Variants in WDFY4 observed in about 807,000 individuals in gnomAD.
WDFY4 encodes the protein WDFY family member 4.
WDFY4 carries 169 observed loss-of-function variants against 351.9 expected under a neutral mutation model. The ratio of observed to expected loss-of-function variants is 0.48; its 90% CI spans 0.42 to 0.55. The LOEUF is 0.55. Among genes scored for constraint, WDFY4 ranks in the 20% least tolerant of loss-of-function variants. The pLI, the probability that WDFY4 is intolerant of heterozygous loss-of-function variation, is 0.00. For synonymous variants in WDFY4, 1,622 were observed against 1,574.6 expected, an observed-to-expected ratio of 1.03 and a Z score of -0.71; for missense variants, 3,803 against 3,935.6, an observed-to-expected ratio of 0.97 and a Z score of 0.90.
intron 43 of WDFY4, among the ~76,000 whole-genome samples, chr10:48,880,934 G>A (rs1012101097): frequency 1.3e-5 from 2 of 152,140 alleles, no homozygotes; most frequent in Admixed American, 1.3e-4. Context: ...GCTACAGGCA[G>A]GGGTGGGGTA....
chr10:48,788,700 A>G, intron 21 of WDFY4, 25 bp downstream of exon 21: 1 of 1,550,244 alleles, frequency 6.5e-7, no homozygotes, highest in Non-Finnish European at 8.7e-7. Context: ...TTCGCTGCTA[A>G]TCTCTGTTGG....
chr10:48,947,230 G>T (rs1450577639), intron 51 of WDFY4, among the ~76,000 whole-genome samples: 1 of 151,820 alleles, frequency 6.6e-6, no homozygotes, highest in Non-Finnish European at 1.5e-5. Flanking sequence ...AATGAGACAT[G>T]AAAAAAATGA....
chr10:48,979,008 A>G (rs1047600455), intron 60 of WDFY4: 1 of 152,320 alleles, frequency 6.6e-6, no homozygotes, highest in African/African-American at 2.4e-5. Context: ...TGATTCATTT[A>G]GTCACCCATT....
At chr10:48,783,516 A>G (rs1565192639) in intron 19 of WDFY4, among the ~76,000 whole-genome samples, 1 of 151,442 alleles carries the variant, frequency 6.6e-6, no homozygotes. Context: ...AAAATCAAAG[A>G]TGTATATATC....
chr10:48,723,717 C>A (rs562751115), intron 5 of WDFY4, 150 bp downstream of exon 5: 2 of 1,137,810 alleles, frequency 1.8e-6, no homozygotes, highest in African/African-American at 1.6e-5. Flanking sequence ...CCCCTCCCCT[C>A]CCCACCACTG....
intron 1 of WDFY4, among the ~76,000 whole-genome samples, chr10:48,686,310 A>G (rs1202017971): frequency 3.3e-5 from 4 of 120,066 alleles, no homozygotes; most frequent in African/African-American, 1.2e-4. Context: ...ATGAAACTCC[A>G]TCTCCAAAAA....
At chr10:48,805,557 G>T (rs751228186) in intron 26 of WDFY4, 136 bp downstream of exon 26, 3 of 1,231,538 alleles carry the variant, frequency 2.4e-6, no homozygotes, top group Non-Finnish European at 1.1e-6. Context: ...GCCCAGGGCT[G>T]AGAGTTGGGG....
rs941684717 is a variant in WDFY4, at chr10:48,775,814, C to T, written c.2863+8C>T. The T allele has an allele frequency of 9.7e-6, 15 of 1,549,956 alleles. No individual in the cohort carries two copies. In the Admixed American group the frequency reaches 1.8e-4, roughly 18 times the overall value. On this transcript the variant is annotated splice_region_variant and intron_variant, in intron 15 of 61. Transcript: ENST00000325239. ...GCAACCCTGGGTGCTCAGGTGAGGA[C>T]AGTGGCAAGAACGGGGCAGGTTAAT...
In WDFY4 at chr10:48,923,506, A is replaced by ATATATATATATATATATGTATGTATG. The variant is rs143983467; in HGVS notation, c.7587-18293_7587-18292insATATATATATGTATGTATGTATATAT. Among the ~76,000 whole-genome samples, 42 of 115,074 alleles carry ATATATATATATATATATGTATGTATG rather than the reference A, an allele frequency of 3.6e-4. 5 individuals carry two copies. The highest frequency in any genetic ancestry group is 2.7e-3 in the South Asian group (8 of 2,976). 75.5% of individuals were successfully genotyped at this position (115,074 alleles called of 152,430 possible). A position where few individuals can be genotyped will look rare whatever the true frequency, so the allele number is the denominator to read the frequency against. On this transcript the variant is annotated intron_variant, in intron 47 of 61. Transcript: ENST00000325239. Reference sequence around the variant, plus strand: ...AACAAATAGTTTTTAGTATATATATATATATATGTCCCAAATACCGCATAG... The same window carrying ATATATATATATATATATGTATGTATG: ...AACAAATAGTTTTTAGTATATATATATATATATATATATATATGTATGTATGTATATATGTCCCAAATACCGCATAG...
chr10:48,934,171 G>A (rs1441854917), intron 47 of WDFY4, among the ~76,000 whole-genome samples: 4 of 152,156 alleles, frequency 2.6e-5, no homozygotes, highest in South Asian at 4.1e-4. Flanking sequence ...TTCATTGGCC[G>A]GGAGTGTTGT....
chr10:48,799,671 G>A (rs2132820998), intron 24 of WDFY4, among the ~76,000 whole-genome samples: 1 of 152,228 alleles, frequency 6.6e-6, no homozygotes, highest in East Asian at 2.0e-4. Context: ...TAGTCGGGAG[G>A]CTGAGGCAGG....
Position 48,822,496 on chromosome 10 carries a change from C to T in WDFY4, c.5941C>T (p.Pro1981Ser), listed in dbSNP as rs571808731. 1 of 1,549,484 alleles carries T rather than the reference C, an allele frequency of 6.5e-7. No homozygotes were observed. The highest frequency in any genetic ancestry group is 8.7e-7 in the Non-Finnish European group (1 of 1,145,688). ...KLYSGMFSAD[P>S]RHILLFILEH... ...GTACAGTGGGATGTTCTCGGCAGAC[C>T]CCAGGCATATCCTCCTCTTCATCCT... Residue 1981 changes from proline to serine, a missense_variant, in exon 35 of 62, where the codon CCC (proline) becomes TCC (serine). By Grantham distance (74) the Pro-to-Ser change is moderately conservative. This residue lies in a region of WDFY4 where 3,054 missense variants were observed against 3,148.6 expected (regional missense o/e 0.97). Transcript: ENST00000325239.
intron 12 of WDFY4, among the ~76,000 whole-genome samples, chr10:48,750,630 T>C (rs1209810112): frequency 1.3e-5 from 2 of 152,268 alleles, no homozygotes; most frequent in African/African-American, 4.8e-5. Context: ...AAATCAATGA[T>C]TAATTGTGTA....
chr10:48,725,474 G>A (rs1346827491), intron 5 of WDFY4, among the ~76,000 whole-genome samples: 1 of 152,198 alleles, frequency 6.6e-6, no homozygotes, highest in Non-Finnish European at 1.5e-5. Context: ...GACTCTTGTG[G>A]TCTCATGGAG....
At chr10:48,976,209 G>A (rs565100382) in intron 58 of WDFY4, among the ~76,000 whole-genome samples, 2 of 152,332 alleles carry the variant, frequency 1.3e-5, no homozygotes, top group South Asian at 4.1e-4. Flanking sequence ...AGGCTCAAAG[G>A]GATGGCCCCA....
chr10:48,848,590 G>A (rs1187336617), intron 39 of WDFY4, among the ~76,000 whole-genome samples: 1 of 152,164 alleles, frequency 6.6e-6, no homozygotes, highest in Non-Finnish European at 1.5e-5. Flanking sequence ...ACCAGCTGTG[G>A]CGATTTGGGC....
chr10:48,820,641 GT>G (rs1212058036), intron 33 of WDFY4, among the ~76,000 whole-genome samples: 1 of 152,228 alleles, frequency 6.6e-6, no homozygotes, highest in Non-Finnish European at 1.5e-5. Flanking sequence ...TGAGGTGGGA[GT>G]TTTGTGGAAG....
At chr10:48,760,290 A>C (rs2065462055) in intron 12 of WDFY4, 57 bp from the exon 13 acceptor site, 1 of 1,476,812 alleles carries the variant, frequency 6.8e-7, no homozygotes, top group Non-Finnish European at 9.2e-7. Flanking sequence ...AGCTCAGTGA[A>C]AATAGAAAGA....
At position 48,811,554 on chromosome 10, in the gene WDFY4, A is replaced by G; in HGVS notation, c.5060A>G (p.Gln1687Arg). The G allele has an allele frequency of 6.4e-7, 1 of 1,552,276 alleles. No individual in the cohort carries two copies. Among genetic ancestry groups the G allele is most frequent in the South Asian group, 1.2e-5 (1 of 84,050 alleles). The change falls in exon 30 of 62, where the codon CAG (glutamine) becomes CGG (arginine). Residue 1687 changes from glutamine to arginine, a missense_variant. Coordinates refer to ENST00000325239, the MANE Select transcript of WDFY4 (RefSeq NM_001394531.1). ...TGATCAATAGACAACCTGAAGAGCCAGTCACCACTGCCTGAGCAAAGCCCA... is the reference window on the plus strand; with the variant it reads ...TGATCAATAGACAACCTGAAGAGCCGGTCACCACTGCCTGAGCAAAGCCCA... ...VDIVMDNLKS[Q>R]SPLPEQSPCL...
Sources: allele counts gnomAD v4.1 joint callset (sites outside exome capture counted in the v4.1 genomes callset), GRCh38; gene constraint gnomAD v4.1.1; regional missense constraint gnomAD v4.1.1; transcripts MANE v1.5; gene names NCBI Gene and HGNC (gene_info 2026-07-23, HGNC 2026-07-21).